The following SCYL2 variants were observed in gnomAD, a reference collection of about 807,000 sequenced individuals.
SCYL2 encodes SCY1 like pseudokinase 2.
SCYL2 carries 36 observed loss-of-function variants against 100.4 expected under a neutral mutation model. That is an observed-to-expected ratio of 0.36 (90% CI 0.27 to 0.47). The LOEUF is 0.47. SCYL2 is among the 20% of genes least tolerant of loss of function. The probability of loss-of-function intolerance (pLI) is 1.00; values close to 1 mark genes in which losing one functional copy is unlikely to be tolerated. For missense variants in SCYL2, 902 were observed against 1,083.9 expected, an observed-to-expected ratio of 0.83 and a Z score of 2.36; for synonymous variants, 330 against 359.2, an observed-to-expected ratio of 0.92 and a Z score of 0.92.
chr12:100,323,468 A>C, intron 10 of SCYL2, 57 bp from the exon 11 acceptor site: 2 of 1,029,678 alleles, frequency 1.9e-6, no homozygotes, highest in South Asian at 2.8e-5. Flanking sequence ...ACTTTGTAAT[A>C]TCAGAGAGAA....
intron 2 of SCYL2, among the ~76,000 whole-genome samples, chr12:100,284,162 T>C (rs2096301943): frequency 3.3e-5 from 5 of 152,184 alleles, no homozygotes; most frequent in Admixed American, 2.6e-4. Flanking sequence ...TTATTAAGGA[T>C]GTGGTAATAT....
At chr12:100,295,398 C>G (rs2096318364) in intron 3 of SCYL2, among the ~76,000 whole-genome samples, 1 of 152,214 alleles carries the variant, frequency 6.6e-6, no homozygotes, top group South Asian at 2.1e-4. Context: ...TGCACTCCAG[C>G]CGGGGCACCA....
Position 100,309,518 on chromosome 12 carries a change from G to C in SCYL2, c.481-1526G>C, listed in dbSNP as rs116614955. On this transcript the variant is annotated intron_variant, in intron 4 of 17. Transcript: ENST00000360820. ...TGTGATTGGCCTATGTTAGCATAAT[G>C]TTCTCAAGGTTCATCCATGTTGTAG... is the stretch of plus-strand genomic sequence containing the variant. Among the ~76,000 whole-genome samples, 380 of 152,292 alleles carry C rather than the reference G, an allele frequency of 2.5e-3. 5 individuals carry two copies. The East Asian group carries it at 0.037, about 15-fold the overall frequency.
In SCYL2 at chr12:100,340,692, T is replaced by TA. The variant is rs1566376892; in HGVS notation, c.*1526dup. 1 of 152,104 alleles carries TA rather than the reference T, an allele frequency of 6.6e-6. No individual in the cohort carries two copies. The highest frequency in any genetic ancestry group is 1.5e-5 in the Non-Finnish European group (1 of 67,932). 9.4% of individuals were successfully genotyped at this position (152,104 alleles called of 1,614,324 possible). A position where few individuals can be genotyped will look rare whatever the true frequency, so the allele number is the denominator to read the frequency against. ...GCAGCATTCAGTTAAGAGGGTACTT[T>TA]AAAAAATAGAAGTCAGCTTTCACAT... On this transcript the variant is annotated 3_prime_UTR_variant, in exon 18 of 18. Coordinates refer to ENST00000360820, the MANE Select transcript of SCYL2 (RefSeq NM_017988.6).
At chr12:100,291,474 GA>G (rs1281352608) in intron 2 of SCYL2, 28 bp from the exon 3 acceptor site, 1 of 1,377,910 alleles carries the variant, frequency 7.3e-7, no homozygotes, top group Non-Finnish European at 9.9e-7. Flanking sequence ...TATATTTCTT[GA>G]CTAAAATTAC....
intron 4 of SCYL2, among the ~76,000 whole-genome samples, chr12:100,300,187 T>G (rs997175536): frequency 3.3e-5 from 5 of 152,214 alleles, no homozygotes; most frequent in African/African-American, 1.2e-4. Flanking sequence ...TCAGATACTT[T>G]GCCCATTTTT....
At chr12:100,294,985 G>A (rs1461254976) in intron 3 of SCYL2, among the ~76,000 whole-genome samples, 2 of 151,692 alleles carry the variant, frequency 1.3e-5, no homozygotes, top group Non-Finnish European at 2.9e-5. Flanking sequence ...CTCAGACGGG[G>A]TGGCCGGGCA....
At position 100,315,682 on chromosome 12, in the gene SCYL2, A is replaced by C. The variant is rs773222426; in HGVS notation, c.1220A>C (p.Lys407Thr). ...AEECTKEEYV[K>T]LILPELGPVF... ...GAATGCACCAAAGAAGAATATGTCAAATTAATTCTTCCTGAACTTGGCCCT... is the reference window on the plus strand; with the variant it reads ...GAATGCACCAAAGAAGAATATGTCACATTAATTCTTCCTGAACTTGGCCCT... The change falls in exon 9 of 18, where the codon AAA becomes ACA. Residue 407 changes from lysine to threonine, a missense_variant. By Grantham distance (78) the Lys-to-Thr change is moderately conservative (BLOSUM62 -1). Coordinates refer to ENST00000360820, the MANE Select transcript of SCYL2 (RefSeq NM_017988.6). 1 of 1,611,976 alleles carries C rather than the reference A, an allele frequency of 6.2e-7. No individual in the cohort carries two copies. The highest frequency in any genetic ancestry group is 8.5e-7 in the Non-Finnish European group (1 of 1,178,896).
intron 16 of SCYL2, among the ~76,000 whole-genome samples, chr12:100,336,992 C>G (rs75287086): frequency 0.024 from 3,712 of 152,160 alleles, 149 homozygotes; most frequent in African/African-American, 0.084. Flanking sequence ...AGTGAAAGAA[C>G]TGCTAATGTT....
intron 12 of SCYL2, among the ~76,000 whole-genome samples, chr12:100,327,703 A>G (rs1371325223): frequency 6.6e-6 from 1 of 151,940 alleles, no homozygotes; most frequent in East Asian, 1.9e-4. Context: ...TTTTGTAGAG[A>G]CAGGGTTTCA....
intron 3 of SCYL2, among the ~76,000 whole-genome samples, chr12:100,292,484 C>T (rs2096311745): frequency 6.6e-6 from 1 of 152,146 alleles, no homozygotes; most frequent in East Asian, 1.9e-4. Flanking sequence ...TTCAATTGTA[C>T]AGTTTTGCTT....
chr12:100,334,757 A>G (rs1385931725), intron 14 of SCYL2, among the ~76,000 whole-genome samples: 14 of 152,076 alleles, frequency 9.2e-5, no homozygotes, highest in Non-Finnish European at 1.9e-4. Flanking sequence ...AATTATTTGC[A>G]GAAAACTAGT....
chr12:100,325,770 A>G (rs1249409718), intron 11 of SCYL2, among the ~76,000 whole-genome samples: 1 of 152,164 alleles, frequency 6.6e-6, no homozygotes, highest in Non-Finnish European at 1.5e-5. Flanking sequence ...ATATCTCAGT[A>G]GAATGCAGCT....
Position 100,339,076 on chromosome 12 carries a change from T to G in SCYL2, c.2694T>G (p.Gly898=). 5 of 1,614,102 alleles carry G rather than the reference T, an allele frequency of 3.1e-6. No homozygotes were observed. The highest frequency in any genetic ancestry group is 4.2e-6 in the Non-Finnish European group (5 of 1,179,976). Residue 898 remains glycine, a synonymous_variant, in exon 18 of 18, where the codon GGT becomes GGG. Coordinates refer to ENST00000360820, the MANE Select transcript of SCYL2 (RefSeq NM_017988.6). The part of the protein sequence containing the change: ...VIGQSAFGMQ[G]NPFFNPQNFA... ...GACAATCTGCTTTTGGTATGCAGGG[T>G]AATCCTTTCTTTAACCCACAGAACT...
intron 17 of SCYL2, among the ~76,000 whole-genome samples, chr12:100,338,099 A>G (rs915059445): frequency 1.3e-5 from 2 of 152,208 alleles, no homozygotes; most frequent in Admixed American, 1.3e-4. Flanking sequence ...TCTCTGAGAA[A>G]AACCTTTGTG....
intron 14 of SCYL2, among the ~76,000 whole-genome samples, chr12:100,334,495 T>G (rs1952250954): frequency 1.3e-5 from 2 of 152,228 alleles, no homozygotes; most frequent in South Asian, 4.1e-4. Context: ...GGTATAATTT[T>G]AGCATTTTAT....
chr12:100,315,524 T>G (rs2096347463), intron 8 of SCYL2, 34 bp from the exon 9 acceptor site: 9 of 1,547,778 alleles, frequency 5.8e-6, no homozygotes, highest in Non-Finnish European at 7.8e-6. Context: ...TAATAAATTT[T>G]ATTTTTTTTT....
At chr12:100,289,535 T>A (rs1270235386) in intron 2 of SCYL2, among the ~76,000 whole-genome samples, 1 of 152,228 alleles carries the variant, frequency 6.6e-6, no homozygotes, top group Non-Finnish European at 1.5e-5. Flanking sequence ...GCTATCTTGT[T>A]ATTTCTATTA....
intron 2 of SCYL2, among the ~76,000 whole-genome samples, chr12:100,288,043 T>C (rs2096306336): frequency 6.6e-6 from 1 of 152,160 alleles, no homozygotes; most frequent in South Asian, 2.1e-4. Context: ...GTGGGTAGTA[T>C]AGAAAAGTAG....
Sources: gnomAD v4.1 joint callset for allele counts (sites outside exome capture counted in the v4.1 genomes callset) on GRCh38, gnomAD v4.1.1 for gene constraint, MANE v1.5 for transcripts, NCBI Gene and HGNC (gene_info 2026-07-23, HGNC 2026-07-21) for gene names.